B3GALT1: variants seen among roughly 807,000 people sequenced by gnomAD.
B3GALT1 encodes the protein UDP-Gal:betaGlcNAc beta 1,3-galactosyltransferase, polypeptide 1.
A neutral mutation model predicts 23.2 loss-of-function variants in B3GALT1; 10 were observed. The ratio of observed to expected loss-of-function variants is 0.43; its 90% CI spans 0.27 to 0.73. The LOEUF is 0.73. Ranked by LOEUF, B3GALT1 falls within the 30% of genes least tolerant of loss-of-function variation. B3GALT1 has a pLI of 0.21. For synonymous variants in B3GALT1, 156 were observed against 141.5 expected (o/e 1.10, Z -0.73); for missense variants, 299 against 405.4 (o/e 0.74, Z 2.25).
intron 3 of B3GALT1, among the ~76,000 whole-genome samples, chr2:167,667,642 G>C (rs1444438992): frequency 6.6e-6 from 1 of 152,178 alleles, no homozygotes; most frequent in East Asian, 1.9e-4. Flanking sequence ...TGGAGGCTTT[G>C]TTCATTTCTT....
chr2:167,718,878 G>A (rs1174985980), intron 3 of B3GALT1, among the ~76,000 whole-genome samples: 1 of 152,102 alleles, frequency 6.6e-6, no homozygotes. Flanking sequence ...CTTCAGGGGA[G>A]GACAACAGAG....
At chr2:167,733,460 A>G (rs1440291750) in intron 3 of B3GALT1, among the ~76,000 whole-genome samples, 2 of 151,446 alleles carry the variant, frequency 1.3e-5, no homozygotes, top group African/African-American at 2.4e-5. Context: ...AGTGTATTTT[A>G]TGTGTGGCCC....
intron 2 of B3GALT1, among the ~76,000 whole-genome samples, chr2:167,586,746 G>GAACA (rs1405443284): frequency 2.0e-5 from 3 of 152,104 alleles, no homozygotes; most frequent in Non-Finnish European, 4.4e-5. Flanking sequence ...ATAAGTTAAG[G>GAACA]AACATAGTGT....
intron 4 of B3GALT1, among the ~76,000 whole-genome samples, chr2:167,858,233 A>G (rs796667408): frequency 5.6e-4 from 85 of 152,024 alleles, no homozygotes; most frequent in African/African-American, 1.6e-3. Flanking sequence ...TTTTTTTACA[A>G]CAGTGCAAGA....
At chr2:167,733,475 CA>C (rs1418631073) in intron 3 of B3GALT1, among the ~76,000 whole-genome samples, 1 of 151,972 alleles carries the variant, frequency 6.6e-6, no homozygotes, top group Admixed American at 6.6e-5. Context: ...TGGCCCAAGA[CA>C]ATTCTTCTTC....
At position 167,797,908 on chromosome 2, in the gene B3GALT1, G is replaced by A. The variant is rs150698685; in HGVS notation, c.-351-20764G>A. Reference sequence around the variant, plus strand: ...TTTAGTAGAGATGGGGTTTCACCACGTTAGCCAGGATGGTCTCAATCTCCT... The same window carrying A: ...TTTAGTAGAGATGGGGTTTCACCACATTAGCCAGGATGGTCTCAATCTCCT... On this transcript the variant is annotated intron_variant, in intron 3 of 4. Coordinates refer to ENST00000392690, the MANE Select transcript of B3GALT1 (RefSeq NM_020981.4). Among the ~76,000 whole-genome samples the A allele has an allele frequency of 1.8e-3, 279 of 152,232 alleles. 7 individuals are homozygous for A. The East Asian group carries it at 0.045, about 25-fold the overall frequency.
intron 3 of B3GALT1, chr2:167,715,456 T>C: frequency 1.9e-6 from 3 of 1,607,296 alleles, no homozygotes; most frequent in Non-Finnish European, 2.6e-6. Flanking sequence ...CTATCGCCCG[T>C]CGTTCTTCAG....
In B3GALT1 at chr2:167,774,480, T is replaced by TGTTTG. The variant is rs201227874; in HGVS notation, c.-351-44192_-351-44191insGTTTG. ...TTTTTCTGTGTTTATTGGTTTTTTT[T>TGTTTG]TTTTGTTTTTTTTTTTGTTTTTTTT... On this transcript the variant is annotated intron_variant, in intron 3 of 4. Coordinates refer to ENST00000392690, the MANE Select transcript of B3GALT1 (RefSeq NM_020981.4). 2.3e-3 allele frequency among the ~76,000 whole-genome samples: 280 copies of TGTTTG among 121,406 alleles called. 31 individuals carry two copies. Among genetic ancestry groups the TGTTTG allele is most frequent in the Middle Eastern group, 4.2e-3 (1 of 240 alleles). 79.6% of individuals were successfully genotyped at this position (121,406 alleles called of 152,430 possible).
intron 1 of B3GALT1, among the ~76,000 whole-genome samples, chr2:167,430,484 A>T (rs1698690441): frequency 1.3e-5 from 2 of 152,218 alleles, no homozygotes; most frequent in African/African-American, 4.8e-5. Context: ...GAAGAGTCAA[A>T]GGAAATCAAG....
intron 3 of B3GALT1, among the ~76,000 whole-genome samples, chr2:167,727,901 A>G (rs1687344919): frequency 7.1e-6 from 1 of 141,064 alleles, no homozygotes; most frequent in Non-Finnish European, 1.5e-5. Flanking sequence ...CTTGAAAGTC[A>G]GCTAGAAGCT....
At chr2:167,373,449 A>G (rs1697715501) in intron 1 of B3GALT1, among the ~76,000 whole-genome samples, 1 of 152,138 alleles carries the variant, frequency 6.6e-6, no homozygotes, top group Non-Finnish European at 1.5e-5. Flanking sequence ...AGTATTCTAA[A>G]TACGTATTTC....
rs148547878 is a variant in B3GALT1 at position 167,448,320 on chromosome 2, A to T, written c.-510-41857A>T. Among the ~76,000 whole-genome samples the T allele has an allele frequency of 5.6e-3, 846 of 152,168 alleles. 8 individuals carry two copies. Among genetic ancestry groups the T allele is most frequent in the African/African-American group, 0.02 (810 of 41,508 alleles). Reference sequence around the variant, plus strand: ...ATCTTTTGATTATGGTCATTCTTGCAGGAGTAAGGTGGTATTACATTGTGG... The same window carrying T: ...ATCTTTTGATTATGGTCATTCTTGCTGGAGTAAGGTGGTATTACATTGTGG... On this transcript the variant is annotated intron_variant, in intron 1 of 4. Coordinates refer to ENST00000392690, the MANE Select transcript of B3GALT1 (RefSeq NM_020981.4).
intron 1 of B3GALT1, among the ~76,000 whole-genome samples, chr2:167,417,560 T>C (rs904672228): frequency 1.3e-5 from 2 of 152,356 alleles, no homozygotes; most frequent in Non-Finnish European, 2.9e-5. Flanking sequence ...ACCAGACTTA[T>C]GTTAGTCAAT....
chr2:167,522,600 G>T (rs2105362447), intron 2 of B3GALT1, among the ~76,000 whole-genome samples: 1 of 152,128 alleles, frequency 6.6e-6, no homozygotes, highest in East Asian at 1.9e-4. Flanking sequence ...AATGTTGGTT[G>T]TGTATTTAAT....
rs189681264 is a variant in B3GALT1 at position 167,812,747 on chromosome 2, A to G, written c.-351-5925A>G. Among the ~76,000 whole-genome samples, 49 of 152,276 alleles carry G rather than the reference A, an allele frequency of 3.2e-4. No individual in the cohort carries two copies. In the East Asian group the frequency reaches 7.9e-3, roughly 25 times the overall value. Reference sequence around the variant, plus strand: ...TGAAAGACTGGCTCAGATGTATTTCAGTTTAAAATCAGGAAAAATAGGCCA... The same window carrying G: ...TGAAAGACTGGCTCAGATGTATTTCGGTTTAAAATCAGGAAAAATAGGCCA... On this transcript the variant is annotated intron_variant, in intron 3 of 4. Transcript: ENST00000392690.
rs73017796 is a variant in B3GALT1, at chr2:167,358,531, T to G, written c.-511+65197T>G. ...AATTTTGTTGAGCATGTTTGTGAACTTTTTTTTAGTAATAATGAACTTTTT... is the reference window on the plus strand; with the variant it reads ...AATTTTGTTGAGCATGTTTGTGAACGTTTTTTTAGTAATAATGAACTTTTT... On this transcript the variant is annotated intron_variant, in intron 1 of 4. Coordinates refer to ENST00000392690, the MANE Select transcript of B3GALT1 (RefSeq NM_020981.4). Among the ~76,000 whole-genome samples, 1,134 of 150,100 alleles carry G rather than the reference T, an allele frequency of 7.6e-3. 11 individuals are homozygous for G. Among genetic ancestry groups the G allele is most frequent in the African/African-American group, 0.027 (1,081 of 39,702 alleles).
chr2:167,719,581 T>C (rs1366239465), intron 3 of B3GALT1, among the ~76,000 whole-genome samples: 1 of 152,202 alleles, frequency 6.6e-6, no homozygotes, highest in African/African-American at 2.4e-5. Flanking sequence ...ACAACTGCTT[T>C]GTTTGAGAGG....
At chr2:167,727,436 A>G (rs977544446) in intron 3 of B3GALT1, among the ~76,000 whole-genome samples, 3 of 152,216 alleles carry the variant, frequency 2.0e-5, no homozygotes, top group African/African-American at 7.2e-5. Flanking sequence ...GAAAGAAAAT[A>G]GACCTTTGGG....
At chr2:167,316,156 G>A (rs1283888701) in intron 1 of B3GALT1, among the ~76,000 whole-genome samples, 1 of 151,286 alleles carries the variant, frequency 6.6e-6, no homozygotes, top group Non-Finnish European at 1.5e-5. Context: ...GGTGCAAAAG[G>A]TGCCATGCTA....
Sources: allele counts gnomAD v4.1 joint callset (sites outside exome capture counted in the v4.1 genomes callset), GRCh38; gene constraint gnomAD v4.1.1; transcripts MANE v1.5; gene names NCBI Gene and HGNC (gene_info 2026-07-23, HGNC 2026-07-21).